ADAMTS18: variants seen among roughly 807,000 people sequenced by gnomAD.
ADAMTS18 encodes ADAM metallopeptidase with thrombospondin type 1 motif 18, also known as A disintegrin and metalloproteinase with thrombospondin motifs 18.
ADAMTS18 carries 157 observed loss-of-function variants against 165.9 expected under a neutral mutation model. The observed-to-expected ratio is 0.95, with a 90% CI of 0.83 to 1.08. ADAMTS18 has a LOEUF of 1.08. Among genes scored for constraint, ADAMTS18 ranks in the 50% least tolerant of loss-of-function variants. ADAMTS18 has a pLI of 0.00. For missense variants in ADAMTS18, 2,040 were observed against 1,534.0 expected, an observed-to-expected ratio of 1.33 and a Z score of -5.51; for synonymous variants, 782 against 578.2, an observed-to-expected ratio of 1.35 and a Z score of -5.06.
intron 3 of ADAMTS18, among the ~76,000 whole-genome samples, chr16:77,390,557 G>C (rs766764685): frequency 1.3e-5 from 2 of 152,102 alleles, no homozygotes; most frequent in Non-Finnish European, 2.9e-5. Flanking sequence ...GGGCATGGTG[G>C]CGTGTGCCTG....
chr16:77,401,833 G>T (rs56120206), intron 3 of ADAMTS18, among the ~76,000 whole-genome samples: 44,668 of 151,920 alleles, frequency 0.29, 6,820 homozygotes, highest in African/African-American at 0.35. Flanking sequence ...CTTGAGCAAG[G>T]ATATCCATCT....
At chr16:77,431,202 T>G in intron 3 of ADAMTS18, 93 bp downstream of exon 3, 2 of 1,353,776 alleles carry the variant, frequency 1.5e-6, no homozygotes, top group South Asian at 2.4e-5. Flanking sequence ...TGTGTGGAGT[T>G]GGCTGGAAGA....
intron 3 of ADAMTS18, among the ~76,000 whole-genome samples, chr16:77,415,734 A>T (rs2057522140): frequency 6.6e-6 from 1 of 151,946 alleles, no homozygotes; most frequent in Non-Finnish European, 1.5e-5. Context: ...GCAAAAAAAA[A>T]AAAAAAAATC....
At chr16:77,368,213 AG>A (rs1409371538) in intron 3 of ADAMTS18, among the ~76,000 whole-genome samples, 3 of 152,136 alleles carry the variant, frequency 2.0e-5, no homozygotes, top group Non-Finnish European at 2.9e-5. Flanking sequence ...GATAGTAAGT[AG>A]GAAAGCTAGC....
Position 77,319,894 on chromosome 16 carries a change from T to A in ADAMTS18, c.2487A>T (p.Glu829Asp), listed in dbSNP as rs991990268. Residue 829 changes from glutamate (E) to aspartate (D), a missense_variant, in exon 16 of 23, where the codon GAA (glutamate) becomes GAT (aspartate). Coordinates refer to ENST00000282849, the MANE Select transcript of ADAMTS18 (RefSeq NM_199355.4). ...FEYQRSFNRP[E>D]RLYAPGPTNE... ...TTGTGGGCCCTGGCGCGTACAGACG[T>A]TCCGGGCGGTTGAAAGAGCGCTGGT... is the stretch of plus-strand genomic sequence containing the variant. 1 of 1,614,112 alleles carries A rather than the reference T, an allele frequency of 6.2e-7. No homozygotes were observed. The highest frequency in any genetic ancestry group is 8.5e-7 in the Non-Finnish European group (1 of 1,179,950).
intron 3 of ADAMTS18, among the ~76,000 whole-genome samples, chr16:77,376,655 T>C (rs2056957642): frequency 6.6e-6 from 1 of 152,170 alleles, no homozygotes; most frequent in South Asian, 2.1e-4. Flanking sequence ...TTATGTGACT[T>C]AGCTGCTAAA....
chr16:77,326,673 G>A (rs1223787692), intron 12 of ADAMTS18, among the ~76,000 whole-genome samples: 2 of 152,176 alleles, frequency 1.3e-5, no homozygotes, highest in Admixed American at 6.5e-5. Context: ...GTGAACCAAT[G>A]CACCCAGCCT....
chr16:77,331,298 C>G (rs2056185076), intron 12 of ADAMTS18, among the ~76,000 whole-genome samples: 1 of 152,042 alleles, frequency 6.6e-6, no homozygotes, highest in African/African-American at 2.4e-5. Flanking sequence ...CTATGTCTTT[C>G]TTGGGAAAAT....
At chr16:77,316,259 A>ATTTTT (rs34042252) in intron 16 of ADAMTS18, among the ~76,000 whole-genome samples, 1 of 147,354 alleles carries the variant, frequency 6.8e-6, no homozygotes, top group East Asian at 2.0e-4. Flanking sequence ...GCCTGGTTGA[A>ATTTTT]TTTTTTTTTT....
chr16:77,379,511 C>A (rs1430045741), intron 3 of ADAMTS18, among the ~76,000 whole-genome samples: 1 of 152,176 alleles, frequency 6.6e-6, no homozygotes, highest in Non-Finnish European at 1.5e-5. Flanking sequence ...TTTTTTGAGA[C>A]AAAGTCTCAC....
intron 20 of ADAMTS18, among the ~76,000 whole-genome samples, chr16:77,291,878 G>A (rs1442709739): frequency 1.3e-5 from 2 of 152,182 alleles, no homozygotes; most frequent in Non-Finnish European, 1.5e-5. Context: ...GTTGAAGAGG[G>A]TAAGGGCCAG....
intron 11 of ADAMTS18, among the ~76,000 whole-genome samples, chr16:77,339,778 T>G (rs2056371120): frequency 6.6e-6 from 1 of 152,146 alleles, no homozygotes; most frequent in Admixed American, 6.6e-5. Flanking sequence ...TGGGAATCCC[T>G]AAGACCACTA....
intron 4 of ADAMTS18, among the ~76,000 whole-genome samples, chr16:77,366,451 G>C (rs918723942): frequency 6.6e-6 from 1 of 152,160 alleles, no homozygotes; most frequent in East Asian, 1.9e-4. Context: ...CCACCTAGTA[G>C]GGAGTCTGAG....
At chr16:77,328,746 G>A (rs924975660) in intron 12 of ADAMTS18, among the ~76,000 whole-genome samples, 30 of 152,104 alleles carry the variant, frequency 2.0e-4, no homozygotes, top group Admixed American at 2.0e-3. Flanking sequence ...ACCTCATTTG[G>A]GCTCTATGTA....
Position 77,399,426 on chromosome 16 carries a change from T to C in ADAMTS18, c.496-31703A>G, listed in dbSNP as rs148742836. On this transcript the variant is annotated intron_variant, in intron 3 of 22. Transcript: ENST00000282849. ...TAAATTCAGGTGAATGAAGCATTTA[T>C]CTCTTAAAAGAAAGCCTCAGAGAAG... Among the ~76,000 whole-genome samples the C allele has an allele frequency of 3.3e-3, 497 of 152,320 alleles. 5 individuals are homozygous for C. Among genetic ancestry groups the C allele is most frequent in the African/African-American group, 0.011 (477 of 41,570 alleles).
chr16:77,420,046 G>A (rs1253402365), intron 3 of ADAMTS18, among the ~76,000 whole-genome samples: 3 of 130,368 alleles, frequency 2.3e-5, no homozygotes, highest in African/African-American at 8.6e-5. Context: ...CTACATTTTA[G>A]ACACATTATC....
At position 77,291,220 on chromosome 16, in the gene ADAMTS18, C is replaced by G. The variant is rs750492081; in HGVS notation, c.3402+46G>C. On this transcript the variant is annotated intron_variant, in intron 21 of 22. Coordinates refer to ENST00000282849, the MANE Select transcript of ADAMTS18 (RefSeq NM_199355.4). ...ACTGTTTGCAGAACGCCTCATTTTTCGACATCTCACTTGAATAGACACCTC... is the reference window on the plus strand; with the variant it reads ...ACTGTTTGCAGAACGCCTCATTTTTGGACATCTCACTTGAATAGACACCTC... 2.5e-6 allele frequency: 4 copies of G among 1,603,946 alleles called. No individual in the cohort carries two copies. In the South Asian group the frequency reaches 3.3e-5, roughly 13 times the overall value.
At chr16:77,398,911 A>T (rs1396665095) in intron 3 of ADAMTS18, among the ~76,000 whole-genome samples, 1 of 152,132 alleles carries the variant, frequency 6.6e-6, no homozygotes, top group African/African-American at 2.4e-5. Context: ...GATGAGAAAA[A>T]CCGTCATAGG....
chr16:77,419,189 G>A (rs766377049), intron 3 of ADAMTS18, among the ~76,000 whole-genome samples: 1 of 152,124 alleles, frequency 6.6e-6, no homozygotes, highest in Non-Finnish European at 1.5e-5. Flanking sequence ...AGTTGTGTAA[G>A]TCTGAAGTGT....
Sources: gnomAD v4.1 joint callset for allele counts (sites outside exome capture counted in the v4.1 genomes callset) on GRCh38, gnomAD v4.1.1 for gene constraint, MANE v1.5 for transcripts, NCBI Gene and HGNC (gene_info 2026-07-23, HGNC 2026-07-21) for gene names.